Variants in ABCA4 observed in about 807,000 individuals in gnomAD.
The protein encoded by ABCA4 is retinal-specific phospholipid-transporting ATPase ABCA4.
Under a neutral mutation model 263.7 loss-of-function variants are expected in ABCA4, and 196 were observed. That is an observed-to-expected ratio of 0.74 (90% CI 0.66 to 0.84). The LOEUF is 0.84. ABCA4 is among the 40% of genes least tolerant of loss of function. ABCA4 has a pLI of 0.00. For missense variants in ABCA4, 2,792 were observed against 2,855.1 expected (o/e 0.98, Z 0.50); for synonymous variants, 1,133 against 1,094.2 (o/e 1.04, Z -0.70).
intron 10 of ABCA4, among the ~76,000 whole-genome samples, chr1:94,078,149 T>A (rs940891612): frequency 6.6e-5 from 10 of 152,118 alleles, no homozygotes; most frequent in African/African-American, 2.4e-4. Context: ...TATAAAAAGC[T>A]TTCTTTTGCT....
intron 18 of ABCA4, 139 bp downstream of exon 18, chr1:94,048,729 T>C (rs1199294778): frequency 7.5e-6 from 6 of 802,370 alleles, no homozygotes; most frequent in Non-Finnish European, 1.3e-5. Flanking sequence ...AGAAGGGATC[T>C]GGTTTAACAC....
chr1:94,058,271 A>G (rs1661031195), intron 14 of ABCA4, among the ~76,000 whole-genome samples: 1 of 152,224 alleles, frequency 6.6e-6, no homozygotes, highest in Non-Finnish European at 1.5e-5. Context: ...CAGCTCCATA[A>G]AAGCAAGTCC....
intron 19 of ABCA4, among the ~76,000 whole-genome samples, chr1:94,045,524 T>C (rs1660648393): frequency 6.6e-6 from 1 of 152,182 alleles, no homozygotes; most frequent in Non-Finnish European, 1.5e-5. Flanking sequence ...TGTGTTTGCC[T>C]TTGCGGAGCC....
rs555339081 is a variant in ABCA4, at chr1:94,070,686, A to C, written c.1554+7004T>G. On this transcript the variant is annotated intron_variant, in intron 11 of 49. Transcript: ENST00000370225. ...CTACAGGGAAGGGAATGGTGCACAG[A>C]AGAAGGCCCGAAACATAGGACCTGA... 2.6e-5 allele frequency among the ~76,000 whole-genome samples: 4 copies of C among 152,314 alleles called. No individual in the cohort carries two copies. In the East Asian group the frequency reaches 7.7e-4, roughly 29 times the overall value.
intron 42 of ABCA4, among the ~76,000 whole-genome samples, chr1:94,008,026 A>G (rs2101003862): frequency 6.6e-6 from 1 of 152,366 alleles, no homozygotes; most frequent in East Asian, 1.9e-4. Flanking sequence ...TTTTGGTTAT[A>G]TTGAGTAAAA....
intron 11 of ABCA4, among the ~76,000 whole-genome samples, chr1:94,076,404 T>C (rs1463834960): frequency 6.6e-6 from 1 of 152,206 alleles, no homozygotes; most frequent in South Asian, 2.1e-4. Context: ...AGGGGTCTCA[T>C]GGTGGCTTCC....
chr1:94,083,537 C>A (rs1015273024), intron 6 of ABCA4, 96 bp from the exon 7 acceptor site: 36 of 840,406 alleles, frequency 4.3e-5, no homozygotes, highest in East Asian at 7.7e-5. Context: ...TTTGAAAACT[C>A]CCCCCCTCCT....
intron 6 of ABCA4, among the ~76,000 whole-genome samples, chr1:94,088,010 A>T (rs1661877673): frequency 6.6e-6 from 1 of 152,006 alleles, no homozygotes; most frequent in Non-Finnish European, 1.5e-5. Flanking sequence ...CTACAGTCTA[A>T]TTTCTCTCTT....
At chr1:94,117,794 G>A (rs373874960) in intron 1 of ABCA4, among the ~76,000 whole-genome samples, 45 of 152,198 alleles carry the variant, frequency 3.0e-4, no homozygotes, top group East Asian at 1.4e-3. Context: ...GTAATTATAC[G>A]TGGGAGCCGC....
intron 11 of ABCA4, among the ~76,000 whole-genome samples, chr1:94,076,629 T>A (rs1661544245): frequency 6.6e-6 from 1 of 151,958 alleles, no homozygotes; most frequent in Non-Finnish European, 1.5e-5. Flanking sequence ...GAAGGTGGGG[T>A]AGGACAGATT....
chr1:94,113,795 AG>A (rs1251162533), intron 1 of ABCA4, among the ~76,000 whole-genome samples: 2 of 152,266 alleles, frequency 1.3e-5, no homozygotes, highest in Admixed American at 6.5e-5. Context: ...ACATTGGAAG[AG>A]GCTGCTGATG....
intron 6 of ABCA4, among the ~76,000 whole-genome samples, chr1:94,098,545 C>G (rs1363275162): frequency 6.6e-6 from 1 of 152,168 alleles, no homozygotes; most frequent in Non-Finnish European, 1.5e-5. Flanking sequence ...GGGATTATCC[C>G]CACATTTAGA....
At chr1:94,030,101 A>G (rs1171392466) in intron 29 of ABCA4, among the ~76,000 whole-genome samples, 1 of 152,218 alleles carries the variant, frequency 6.6e-6, no homozygotes, top group Non-Finnish European at 1.5e-5. Flanking sequence ...TCAAGGCCCA[A>G]TCACACAATA....
intron 1 of ABCA4, 137 bp from the exon 2 acceptor site, chr1:94,113,203 T>A (rs1314112700): frequency 1.3e-6 from 1 of 788,464 alleles, no homozygotes; most frequent in East Asian, 2.7e-5. Flanking sequence ...ACCTAAACAG[T>A]TTCCTTCCTT....
intron 18 of ABCA4, among the ~76,000 whole-genome samples, chr1:94,048,628 C>A (rs954359320): frequency 2.0e-5 from 3 of 152,236 alleles, no homozygotes; most frequent in African/African-American, 4.8e-5. Context: ...GGCACAGGCA[C>A]ACTACATAGT....
rs1477513571 is a variant in ABCA4, at chr1:94,015,782, G to C, written c.5269C>G (p.Pro1757Ala). Reference sequence around the variant, plus strand: ...GCCACAAGGGCAGGAAGGTTTTCTGGAGAAGTGTAGGCTTTCTTCTGAAAC... The same window carrying C: ...GCCACAAGGGCAGGAAGGTTTTCTGCAGAAGTGTAGGCTTTCTTCTGAAAC... ...IGFQKKAYTSPENLPALVALL... is the reference protein window; with the variant it reads ...IGFQKKAYTSAENLPALVALL... The change falls in exon 37 of 50, where the codon CCA (proline) becomes GCA (alanine). Residue 1757 changes from proline (P) to alanine (A), a missense_variant. Transcript: ENST00000370225. 1.9e-6 allele frequency: 3 copies of C among 1,613,964 alleles called. No homozygotes were observed. The highest frequency in any genetic ancestry group is 2.5e-6 in the Non-Finnish European group (3 of 1,180,020).
chr1:94,029,801 G>A (rs1298543665), intron 29 of ABCA4, among the ~76,000 whole-genome samples, 170 bp from the exon 30 acceptor site: 1 of 152,146 alleles, frequency 6.6e-6, no homozygotes. Flanking sequence ...CTAGGGTTTT[G>A]TGACTGACTA....
chr1:94,043,210 T>G, intron 21 of ABCA4, 126 bp downstream of exon 21: 2 of 1,368,418 alleles, frequency 1.5e-6, no homozygotes, highest in Non-Finnish European at 2.0e-6. Context: ...AGATTTTTGG[T>G]GTAACTTCAC....
chr1:94,017,638 G>C (rs1016688904), intron 36 of ABCA4, among the ~76,000 whole-genome samples: 14 of 152,156 alleles, frequency 9.2e-5, no homozygotes, highest in African/African-American at 1.4e-4. Flanking sequence ...ATCAGTGCTG[G>C]TTTCCTCATG....
Sources: gnomAD v4.1 joint callset for allele counts (sites outside exome capture counted in the v4.1 genomes callset) on GRCh38, gnomAD v4.1.1 for gene constraint, MANE v1.5 for transcripts, NCBI Gene and HGNC (gene_info 2026-07-23, HGNC 2026-07-21) for gene names.